The following VTI1A variants were observed in gnomAD, a reference collection of about 807,000 sequenced individuals.
VTI1A encodes the protein vesicle transport through interaction with t-SNAREs homolog 1A.
VTI1A carries 22 observed loss-of-function variants against 34.9 expected under a neutral mutation model. That is an observed-to-expected ratio of 0.63 (90% confidence interval 0.45 to 0.90). VTI1A has a LOEUF of 0.90. Among genes scored for constraint, VTI1A ranks in the 40% least tolerant of loss-of-function variants. The probability of loss-of-function intolerance (pLI) is 0.00; values close to 1 mark genes in which losing one functional copy is unlikely to be tolerated. For synonymous variants in VTI1A, 87 were observed against 97.3 expected, an observed-to-expected ratio of 0.89 and a Z score of 0.62; for missense variants, 268 against 275.6, an observed-to-expected ratio of 0.97 and a Z score of 0.20.
rs1057255404 is a variant in VTI1A at position 112,813,619 on chromosome 10, G to C, written c.561-1671G>C. Among the ~76,000 whole-genome samples the C allele has an allele frequency of 7.2e-5, 11 of 152,190 alleles. No homozygotes were observed. In the South Asian group the frequency reaches 1.5e-3, roughly 20 times the overall value. On this transcript the variant is annotated intron_variant, in intron 7 of 7. Coordinates refer to ENST00000393077, the MANE Select transcript of VTI1A (RefSeq NM_145206.4). ...TTAAACAGAGCCACCAAGTAGCACCGATCAGTGTTGATAATTAGCCTCACT... is the reference window on the plus strand; with the variant it reads ...TTAAACAGAGCCACCAAGTAGCACCCATCAGTGTTGATAATTAGCCTCACT...
intron 3 of VTI1A, among the ~76,000 whole-genome samples, chr10:112,483,420 G>A (rs1848515923): frequency 6.6e-6 from 1 of 152,162 alleles, no homozygotes; most frequent in South Asian, 2.1e-4. Context: ...TTTCTACCTT[G>A]ATATTGATAC....
chr10:112,537,460 A>T (rs1486197027), intron 4 of VTI1A, among the ~76,000 whole-genome samples: 1 of 151,456 alleles, frequency 6.6e-6, no homozygotes, highest in Admixed American at 6.6e-5. Flanking sequence ...ATCTCAATGG[A>T]GGAAAGAAAG....
At chr10:112,587,476 G>A (rs1388095534) in intron 5 of VTI1A, among the ~76,000 whole-genome samples, 1 of 152,064 alleles carries the variant, frequency 6.6e-6, no homozygotes, top group Non-Finnish European at 1.5e-5. Flanking sequence ...AAATTAAAAG[G>A]ACTCCTTTAC....
intron 3 of VTI1A, among the ~76,000 whole-genome samples, chr10:112,494,531 C>G (rs1424810401): frequency 6.6e-6 from 1 of 152,036 alleles, no homozygotes; most frequent in Non-Finnish European, 1.5e-5. Context: ...CTTTCCTCCT[C>G]CTTTCCTCGC....
intron 5 of VTI1A, among the ~76,000 whole-genome samples, chr10:112,590,024 G>A (rs1030801764): frequency 6.6e-6 from 1 of 152,126 alleles, no homozygotes; most frequent in Admixed American, 6.5e-5. Context: ...TGCTATTTAA[G>A]TGCAGATTTC....
chr10:112,575,929 G>A (rs1843687881), intron 5 of VTI1A, among the ~76,000 whole-genome samples: 2 of 151,504 alleles, frequency 1.3e-5, no homozygotes, highest in Admixed American at 1.3e-4. Context: ...GTGTAGAAAA[G>A]TTTAAACCTC....
chr10:112,746,194 A>G (rs1850888910), intron 7 of VTI1A, among the ~76,000 whole-genome samples: 1 of 152,220 alleles, frequency 6.6e-6, no homozygotes. Flanking sequence ...ATAAATCTGT[A>G]CGAAACAAAA....
At chr10:112,569,798 A>G (rs1260426955) in intron 5 of VTI1A, among the ~76,000 whole-genome samples, 1 of 152,224 alleles carries the variant, frequency 6.6e-6, no homozygotes, top group East Asian at 1.9e-4. Flanking sequence ...CTCTGGAGGT[A>G]TGGCCCAGGC....
At chr10:112,690,393 C>G (rs932850140) in intron 7 of VTI1A, among the ~76,000 whole-genome samples, 1 of 152,166 alleles carries the variant, frequency 6.6e-6, no homozygotes, top group Non-Finnish European at 1.5e-5. Flanking sequence ...GATGAGAGTT[C>G]CGGTTGCTCT....
At chr10:112,587,394 A>T (rs941589142) in intron 5 of VTI1A, among the ~76,000 whole-genome samples, 1 of 152,188 alleles carries the variant, frequency 6.6e-6, no homozygotes, top group African/African-American at 2.4e-5. Context: ...AAGTTAAACA[A>T]TACCAAATTA....
At chr10:112,558,731 C>T (rs1851617678) in intron 5 of VTI1A, among the ~76,000 whole-genome samples, 1 of 152,170 alleles carries the variant, frequency 6.6e-6, no homozygotes, top group Non-Finnish European at 1.5e-5. Flanking sequence ...GTGCCCATAT[C>T]TCAATTGAGA....
At chr10:112,668,852 A>G (rs1170185961) in intron 6 of VTI1A, 85 bp from the exon 7 acceptor site, 8 of 1,373,504 alleles carry the variant, frequency 5.8e-6, no homozygotes, top group African/African-American at 1.4e-5. Flanking sequence ...TGGATTTTCT[A>G]TCATGAAATA....
intron 4 of VTI1A, among the ~76,000 whole-genome samples, chr10:112,528,140 G>A (rs1169374449): frequency 6.6e-6 from 1 of 152,012 alleles, no homozygotes; most frequent in African/African-American, 2.4e-5. Flanking sequence ...ACATAAATCA[G>A]TCACTGAGTA....
At position 112,768,283 on chromosome 10, in the gene VTI1A, G is replaced by C. The variant is rs545602951; in HGVS notation, c.561-47007G>C. ...AAAGAGCCTCTGCCACCCTGGAAAT[G>C]TAATTACTGCTCCACAAGGCGCTTT... On this transcript the variant is annotated intron_variant, in intron 7 of 7. Transcript: ENST00000393077. Among the ~76,000 whole-genome samples the C allele has an allele frequency of 1.9e-3, 283 of 152,334 alleles. 7 individuals are homozygous for C. Among genetic ancestry groups the C allele is most frequent in the Non-Finnish European group, 6.0e-4 (41 of 68,022 alleles).
At chr10:112,492,064 G>T (rs953048807) in intron 3 of VTI1A, among the ~76,000 whole-genome samples, 3 of 152,142 alleles carry the variant, frequency 2.0e-5, no homozygotes, top group African/African-American at 7.2e-5. Context: ...TCCAATGTTC[G>T]ATCAAGGTTG....
At chr10:112,784,141 T>A (rs1489854990) in intron 7 of VTI1A, among the ~76,000 whole-genome samples, 1 of 152,254 alleles carries the variant, frequency 6.6e-6, no homozygotes, top group East Asian at 1.9e-4. Context: ...ACCTTGAACT[T>A]AACGCATGTC....
intron 7 of VTI1A, among the ~76,000 whole-genome samples, chr10:112,745,673 C>G (rs76334151): frequency 1.3e-3 from 201 of 152,374 alleles, no homozygotes; most frequent in African/African-American, 4.6e-3. Context: ...CACACCGATG[C>G]TGTCCAACAT....
At chr10:112,823,854 A>G in the VTI1A span, 1 of 152,242 alleles carries the variant, frequency 6.6e-6, no homozygotes, top group Non-Finnish European at 1.5e-5. Context: ...TGAGCCAACC[A>G]GGAGCTCAGA....
At chr10:112,487,392 G>A (rs1165458760) in intron 3 of VTI1A, among the ~76,000 whole-genome samples, 1 of 152,156 alleles carries the variant, frequency 6.6e-6, no homozygotes, top group Admixed American at 6.5e-5. Context: ...CCAAAGTGCT[G>A]GGCTTACAGG....
Sources: gnomAD v4.1 joint callset for allele counts (sites outside exome capture counted in the v4.1 genomes callset) on GRCh38, gnomAD v4.1.1 for gene constraint, MANE v1.5 for transcripts, NCBI Gene and HGNC (gene_info 2026-07-23, HGNC 2026-07-21) for gene names.